ULK4: variants seen among roughly 807,000 people sequenced by gnomAD.
ULK4 encodes the protein unc-51 like kinase 4.
ULK4 carries 133 observed loss-of-function variants against 160.6 expected under a neutral mutation model. The ratio of observed to expected loss-of-function variants is 0.83; its 90% CI spans 0.72 to 0.96. The LOEUF (loss-of-function observed/expected upper bound fraction) is 0.96, where lower values mean the gene tolerates loss of function less well. ULK4 is among the 40% of genes least tolerant of loss of function. The pLI, the probability that ULK4 is intolerant of heterozygous loss-of-function variation, is 0.00. For synonymous variants in ULK4, 534 were observed against 539.8 expected (o/e 0.99, Z 0.15); for missense variants, 1,580 against 1,499.5 (o/e 1.05, Z -0.89).
chr3:41,463,548 CT>C (rs1214693697), intron 32 of ULK4, among the ~76,000 whole-genome samples: 1 of 152,174 alleles, frequency 6.6e-6, no homozygotes, highest in Non-Finnish European at 1.5e-5. Context: ...TTCACAGGGT[CT>C]GAGGACTCCC....
intron 35 of ULK4, among the ~76,000 whole-genome samples, chr3:41,334,073 C>A (rs541816519): frequency 1.3e-5 from 2 of 152,214 alleles, no homozygotes; most frequent in South Asian, 2.1e-4. Flanking sequence ...TGCGCACATA[C>A]ACACACACCG....
chr3:41,430,759 CATT>C (rs2082885862), intron 34 of ULK4, among the ~76,000 whole-genome samples: 1 of 152,168 alleles, frequency 6.6e-6, no homozygotes, highest in African/African-American at 2.4e-5. Context: ...AGCCAAACAT[CATT>C]ATCAAAACTG....
rs115006762 is a variant in ULK4 at position 41,957,585 on chromosome 3, C to T, written c.-48-2778G>A. 8.9e-3 allele frequency among the ~76,000 whole-genome samples: 1,351 copies of T among 152,108 alleles called. 9 individuals are homozygous for T. The highest frequency in any genetic ancestry group is 0.02 in the Middle Eastern group (6 of 294). On this transcript the variant is annotated intron_variant, in intron 1 of 36. Transcript: ENST00000301831. ...CACATTGGCCAGGCACGGTTGCTCG[C>T]ACCTATAATCTCACCCCTTTGGGAG...
intron 34 of ULK4, among the ~76,000 whole-genome samples, chr3:41,405,519 T>C (rs1233081730): frequency 5.9e-5 from 9 of 152,212 alleles, no homozygotes; most frequent in Non-Finnish European, 1.3e-4. Flanking sequence ...AGTCAAACAG[T>C]AATTCTGCTT....
chr3:41,888,235 C>G (rs1697798028), intron 16 of ULK4, among the ~76,000 whole-genome samples: 1 of 152,160 alleles, frequency 6.6e-6, no homozygotes, highest in Admixed American at 6.6e-5. Context: ...GAGACATTCT[C>G]TGTCTTTAAT....
At chr3:41,871,352 CAAAGT>C (rs1442621162) in intron 17 of ULK4, among the ~76,000 whole-genome samples, 2 of 151,996 alleles carry the variant, frequency 1.3e-5, no homozygotes, top group African/African-American at 2.4e-5. Flanking sequence ...AAAAAAAGCT[CAAAGT>C]AAATATGTAA....
At chr3:41,429,057 G>GA (rs777341210) in intron 34 of ULK4, among the ~76,000 whole-genome samples, 165 of 138,434 alleles carry the variant, frequency 1.2e-3, no homozygotes, top group Middle Eastern at 3.7e-3. Flanking sequence ...AAATTTACAA[G>GA]AAAAAAAAAA....
chr3:41,328,690 A>T (rs2080383773), intron 35 of ULK4, among the ~76,000 whole-genome samples: 1 of 152,120 alleles, frequency 6.6e-6, no homozygotes, highest in Non-Finnish European at 1.5e-5. Flanking sequence ...AGATTTGTTT[A>T]AATAGAAAGT....
At chr3:41,401,655 T>A (rs1343645005) in intron 34 of ULK4, among the ~76,000 whole-genome samples, 1 of 152,196 alleles carries the variant, frequency 6.6e-6, no homozygotes, top group Non-Finnish European at 1.5e-5. Context: ...CTGCGTAGGT[T>A]CCTCTGTGTG....
At chr3:41,524,952 A>T (rs1345797811) in intron 32 of ULK4, among the ~76,000 whole-genome samples, 1 of 152,074 alleles carries the variant, frequency 6.6e-6, no homozygotes, top group Non-Finnish European at 1.5e-5. Context: ...AGAACAAACA[A>T]AAAACAAACA....
intron 30 of ULK4, among the ~76,000 whole-genome samples, chr3:41,661,820 G>A (rs1477645798): frequency 1.3e-5 from 2 of 152,080 alleles, no homozygotes; most frequent in Non-Finnish European, 2.9e-5. Context: ...AGAGTAAACG[G>A]ACTTCTAAAC....
chr3:41,776,212 A>G (rs756515316), intron 21 of ULK4, among the ~76,000 whole-genome samples: 2 of 150,918 alleles, frequency 1.3e-5, no homozygotes, highest in African/African-American at 2.5e-5. Context: ...TCTTTTCCCA[A>G]GTTTACTGAC....
chr3:41,794,010 C>T (rs1175159155), intron 20 of ULK4, among the ~76,000 whole-genome samples: 1 of 152,218 alleles, frequency 6.6e-6, no homozygotes, highest in Admixed American at 6.5e-5. Flanking sequence ...ATAGAGATTA[C>T]TGGCCTCTCC....
chr3:41,459,447 A>G (rs917174929), intron 33 of ULK4, among the ~76,000 whole-genome samples: 5 of 152,148 alleles, frequency 3.3e-5, no homozygotes, highest in Non-Finnish European at 5.9e-5. Flanking sequence ...GATCAATTCA[A>G]TTCAACACTT....
intron 21 of ULK4, among the ~76,000 whole-genome samples, chr3:41,763,789 A>C (rs148805728): frequency 6.6e-6 from 1 of 152,370 alleles, no homozygotes; most frequent in Non-Finnish European, 1.5e-5. Flanking sequence ...ATGGCTTTCC[A>C]AAGTGGTTGT....
chr3:41,790,076 CATTAA>C (rs1253435790), intron 20 of ULK4, among the ~76,000 whole-genome samples: 2 of 152,130 alleles, frequency 1.3e-5, no homozygotes, highest in African/African-American at 4.8e-5. Context: ...TAGTAATAAC[CATTAA>C]ATTGATAAAT....
intron 34 of ULK4, among the ~76,000 whole-genome samples, chr3:41,433,065 A>T (rs1174245584): frequency 6.6e-6 from 1 of 152,196 alleles, no homozygotes; most frequent in East Asian, 1.9e-4. Context: ...TTAAAAATGC[A>T]AGGAGAAACT....
At chr3:41,475,606 T>A (rs1446550357) in intron 32 of ULK4, among the ~76,000 whole-genome samples, 1 of 152,134 alleles carries the variant, frequency 6.6e-6, no homozygotes, top group East Asian at 1.9e-4. Flanking sequence ...TATACAACTA[T>A]AATTTGTCAG....
intron 35 of ULK4, among the ~76,000 whole-genome samples, chr3:41,377,928 T>C (rs1186488057): frequency 1.3e-5 from 2 of 151,588 alleles, no homozygotes; most frequent in Admixed American, 1.3e-4. Context: ...TGCACATGTA[T>C]GTTTATTGCA....
Sources: allele counts gnomAD v4.1 joint callset (sites outside exome capture counted in the v4.1 genomes callset), GRCh38; gene constraint gnomAD v4.1.1; transcripts MANE v1.5; gene names NCBI Gene and HGNC (gene_info 2026-07-23, HGNC 2026-07-21).